The following CCSER1 variants were observed in gnomAD, a reference collection of about 807,000 sequenced individuals.
The protein encoded by CCSER1 is serine-rich coiled-coil domain-containing protein 1.
A neutral mutation model predicts 82.0 loss-of-function variants in CCSER1; 41 were observed. The observed-to-expected ratio is 0.50, with a 90% CI of 0.39 to 0.65. The LOEUF (loss-of-function observed/expected upper bound fraction) is 0.65, where lower values mean the gene tolerates loss of function less well. CCSER1 is among the 30% of genes least tolerant of loss of function. The pLI is 0.00. For synonymous variants in CCSER1, 414 were observed against 383.9 expected (o/e 1.08, Z -0.92); for missense variants, 1,119 against 1,064.2 (o/e 1.05, Z -0.72).
At chr4:90,516,950 G>T (rs558260299) in intron 5 of CCSER1, among the ~76,000 whole-genome samples, 1 of 152,190 alleles carries the variant, frequency 6.6e-6, no homozygotes, top group East Asian at 1.9e-4. Flanking sequence ...AAAGTTATTT[G>T]GTAGTTTATA....
chr4:90,227,791 G>A (rs141267712), intron 1 of CCSER1, among the ~76,000 whole-genome samples: 1,823 of 152,310 alleles, frequency 0.012, 46 homozygotes, highest in African/African-American at 0.041. Context: ...GAAGCAGGGC[G>A]AGGCATTGCC....
At chr4:91,245,222 G>C (rs931155368) in intron 10 of CCSER1, among the ~76,000 whole-genome samples, 3 of 152,130 alleles carry the variant, frequency 2.0e-5, no homozygotes, top group African/African-American at 7.2e-5. Flanking sequence ...GTGGTATAAA[G>C]CTTGTTCAAA....
At chr4:90,231,199 T>A (rs2153427888) in intron 1 of CCSER1, among the ~76,000 whole-genome samples, 1 of 152,114 alleles carries the variant, frequency 6.6e-6, no homozygotes, top group African/African-American at 2.4e-5. Flanking sequence ...ATATCCTTGA[T>A]GAACATTGAT....
intron 10 of CCSER1, among the ~76,000 whole-genome samples, chr4:91,500,573 G>A (rs1414187884): frequency 6.6e-6 from 1 of 151,846 alleles, no homozygotes; most frequent in Non-Finnish European, 1.5e-5. Context: ...AATGTTTCAT[G>A]GGTGCTTGAA....
intron 8 of CCSER1, among the ~76,000 whole-genome samples, chr4:90,882,133 A>G (rs1013142930): frequency 1.3e-5 from 2 of 152,070 alleles, no homozygotes; most frequent in Non-Finnish European, 2.9e-5. Context: ...TTGTTATATA[A>G]TATCAGCTAG....
chr4:90,697,280 T>C (rs1427130932), intron 6 of CCSER1, among the ~76,000 whole-genome samples: 1 of 152,192 alleles, frequency 6.6e-6, no homozygotes, highest in Non-Finnish European at 1.5e-5. Flanking sequence ...TTATTTATTA[T>C]ACATCAAAAG....
intron 5 of CCSER1, among the ~76,000 whole-genome samples, chr4:90,515,363 A>G (rs543125136): frequency 9.2e-5 from 14 of 152,174 alleles, no homozygotes; most frequent in East Asian, 1.9e-4. Context: ...CAAGTTTTAC[A>G]TGCCCCACAT....
At chr4:90,591,830 T>C (rs992944722) in intron 5 of CCSER1, among the ~76,000 whole-genome samples, 2 of 152,142 alleles carry the variant, frequency 1.3e-5, no homozygotes, top group African/African-American at 2.4e-5. Context: ...GTGGCACATA[T>C]ACACCACGGA....
intron 10 of CCSER1, among the ~76,000 whole-genome samples, chr4:91,108,383 G>C (rs1255536732): frequency 6.6e-6 from 1 of 152,258 alleles, no homozygotes; most frequent in African/African-American, 2.4e-5. Flanking sequence ...AAATGGTTGA[G>C]AGAAAATATA....
At chr4:91,146,771 T>C (rs1192905211) in intron 10 of CCSER1, among the ~76,000 whole-genome samples, 4 of 152,132 alleles carry the variant, frequency 2.6e-5, no homozygotes, top group Non-Finnish European at 4.4e-5. Flanking sequence ...ACAGGTGTTG[T>C]AGGTGAAGGA....
At chr4:90,287,744 G>T (rs560474864) in intron 1 of CCSER1, among the ~76,000 whole-genome samples, 46 of 151,852 alleles carry the variant, frequency 3.0e-4, no homozygotes, top group Non-Finnish European at 5.6e-4. Flanking sequence ...TTTTTAAAGA[G>T]TCTATTTTAG....
intron 5 of CCSER1, among the ~76,000 whole-genome samples, chr4:90,481,981 G>A (rs1325832985): frequency 1.3e-5 from 2 of 152,150 alleles, no homozygotes; most frequent in Non-Finnish European, 1.5e-5. Context: ...GTAGAATTCG[G>A]CTGTGAATCC....
intron 4 of CCSER1, among the ~76,000 whole-genome samples, chr4:90,457,345 C>A (rs1762313149): frequency 6.6e-6 from 1 of 152,152 alleles, no homozygotes; most frequent in Admixed American, 6.5e-5. Flanking sequence ...TTTTCTTCTC[C>A]TCTTCTCGTG....
At chr4:90,347,145 G>A (rs1742486018) in intron 3 of CCSER1, among the ~76,000 whole-genome samples, 2 of 152,034 alleles carry the variant, frequency 1.3e-5, no homozygotes, top group African/African-American at 4.8e-5. Flanking sequence ...CATTATAGAA[G>A]CACTACAGAG....
chr4:90,415,253 G>A (rs1222524267), intron 4 of CCSER1, among the ~76,000 whole-genome samples: 1 of 152,136 alleles, frequency 6.6e-6, no homozygotes, highest in African/African-American at 2.4e-5. Context: ...TTTGAATCGG[G>A]AATAATTTGC....
chr4:91,567,417 T>G (rs76721481), intron 10 of CCSER1, among the ~76,000 whole-genome samples: 17,215 of 151,892 alleles, frequency 0.11, 1,099 homozygotes, highest in Middle Eastern at 0.2. Context: ...CAATGTTGAA[T>G]TCAGGTCTTG....
intron 7 of CCSER1, among the ~76,000 whole-genome samples, chr4:90,735,687 G>T (rs532961245): frequency 6.6e-6 from 1 of 151,676 alleles, no homozygotes; most frequent in Non-Finnish European, 1.5e-5. Flanking sequence ...TATTGGTATG[G>T]GCTTTCTCTC....
chr4:90,234,958 G>A lies in CCSER1; in HGVS notation c.-41-73286G>A, dbSNP rs531660894. The A allele has an allele frequency of 2.0e-5, 3 of 152,234 alleles. No homozygotes were observed. The South Asian group carries it at 6.3e-4, about 32-fold the overall frequency. The allele number at this position is 152,234 out of a possible 1,614,324, so 9.4% of individuals were successfully genotyped here. Reference sequence around the variant, plus strand: ...CCTTTGCTCTGCTCTCAGTCACTGGGAGACGAAAGTGCTGCTGGTTAGCAC... The same window carrying A: ...CCTTTGCTCTGCTCTCAGTCACTGGAAGACGAAAGTGCTGCTGGTTAGCAC... On this transcript the variant is annotated intron_variant, in intron 1 of 10. Transcript: ENST00000509176.
At chr4:90,372,242 T>A (rs573732768) in intron 3 of CCSER1, among the ~76,000 whole-genome samples, 2 of 152,294 alleles carry the variant, frequency 1.3e-5, no homozygotes, top group East Asian at 3.9e-4. Flanking sequence ...AACTCTGTGG[T>A]CTAATCTAAA....
Sources: allele counts gnomAD v4.1 joint callset (sites outside exome capture counted in the v4.1 genomes callset), GRCh38; gene constraint gnomAD v4.1.1; transcripts MANE v1.5; gene names NCBI Gene and HGNC (gene_info 2026-07-23, HGNC 2026-07-21).